The following RIMS2 variants were observed in gnomAD, a reference collection of about 807,000 sequenced individuals.
RIMS2 encodes the protein regulating synaptic membrane exocytosis 2, also known as regulating synaptic membrane exocytosis protein 2.
A neutral mutation model predicts 174.4 loss-of-function variants in RIMS2; 59 were observed. That is an observed-to-expected ratio of 0.34 (90% CI 0.27 to 0.42). RIMS2 has a LOEUF of 0.42. Ranked by LOEUF, RIMS2 falls within the 10% of genes least tolerant of loss-of-function variation. RIMS2 has a pLI of 1.00. For synonymous variants in RIMS2, 606 were observed against 572.5 expected, an observed-to-expected ratio of 1.06 and a Z score of -0.84; for missense variants, 1,620 against 1,666.3, an observed-to-expected ratio of 0.97 and a Z score of 0.48.
At chr8:103,569,021 T>G in intron 1 of RIMS2, 1 of 434,628 alleles carries the variant, frequency 2.3e-6, no homozygotes, top group Non-Finnish European at 4.2e-6. Flanking sequence ...ATGGAGGCCT[T>G]TGCACAAAGT....
chr8:103,789,081 C>T (rs1256204779), intron 3 of RIMS2, among the ~76,000 whole-genome samples: 1 of 152,236 alleles, frequency 6.6e-6, no homozygotes, highest in Admixed American at 6.5e-5. Context: ...AGGGAACTCC[C>T]TGACCCATTG....
intron 14 of RIMS2, among the ~76,000 whole-genome samples, chr8:103,945,066 A>G (rs1369559607): frequency 2.6e-5 from 4 of 152,072 alleles, no homozygotes. Flanking sequence ...CAGTGGATAA[A>G]TATTGCATTT....
At chr8:103,933,329 ACACAC>A (rs2080435479) in intron 12 of RIMS2, among the ~76,000 whole-genome samples, 3 of 121,986 alleles carry the variant, frequency 2.5e-5, no homozygotes, top group Non-Finnish European at 5.1e-5. Flanking sequence ...ACACACACAC[ACACAC>A]AATTAGCCAG....
chr8:103,954,119 C>G (rs1428756119), intron 14 of RIMS2, among the ~76,000 whole-genome samples: 1 of 152,132 alleles, frequency 6.6e-6, no homozygotes, highest in Non-Finnish European at 1.5e-5. Flanking sequence ...TCTTAGAGAC[C>G]TACAAAGAGA....
chr8:104,164,287 C>T (rs2098783032), intron 19 of RIMS2, among the ~76,000 whole-genome samples: 1 of 152,088 alleles, frequency 6.6e-6, no homozygotes, highest in Non-Finnish European at 1.5e-5. Flanking sequence ...AATTATCTTA[C>T]TGGAAGCACT....
At chr8:104,180,679 G>A (rs138358590) in intron 19 of RIMS2, among the ~76,000 whole-genome samples, 1 of 151,568 alleles carries the variant, frequency 6.6e-6, no homozygotes, top group African/African-American at 2.4e-5. Context: ...TTTAATCTAT[G>A]ACTCATTGCT....
intron 14 of RIMS2, among the ~76,000 whole-genome samples, chr8:103,944,818 A>G (rs185458167): frequency 6.6e-6 from 1 of 152,210 alleles, no homozygotes. Context: ...TATTAATGAT[A>G]TGTAAGCCTG....
chr8:103,718,659 C>CTT (rs35949446), intron 2 of RIMS2, among the ~76,000 whole-genome samples: 9 of 148,564 alleles, frequency 6.1e-5, no homozygotes, highest in African/African-American at 1.2e-4. Context: ...GCTCAACAAC[C>CTT]TTTTTTTTTT....
intron 4 of RIMS2, among the ~76,000 whole-genome samples, chr8:103,898,806 G>A (rs1028439177): frequency 6.6e-6 from 1 of 151,346 alleles, no homozygotes; most frequent in Admixed American, 6.6e-5. Flanking sequence ...CATGTGCCAT[G>A]TTGGTGTGCT....
chr8:104,085,148 A>C (rs1297181925), intron 19 of RIMS2, among the ~76,000 whole-genome samples: 1 of 152,208 alleles, frequency 6.6e-6, no homozygotes, highest in Non-Finnish European at 1.5e-5. Context: ...AATTATCTGA[A>C]TAAACAAGGA....
chr8:104,196,866 T>TA (rs565142257), intron 19 of RIMS2, among the ~76,000 whole-genome samples: 108 of 152,296 alleles, frequency 7.1e-4, no homozygotes, highest in Non-Finnish European at 1.3e-3. Flanking sequence ...AGGCATACTT[T>TA]AAAAAACATA....
chr8:104,149,293 T>C (rs1805863271), intron 19 of RIMS2, among the ~76,000 whole-genome samples: 1 of 152,228 alleles, frequency 6.6e-6, no homozygotes, highest in South Asian at 2.1e-4. Context: ...ACAACCCAAC[T>C]TCCTTTTCAG....
At chr8:104,169,976 G>A (rs1319374591) in intron 19 of RIMS2, among the ~76,000 whole-genome samples, 1 of 151,960 alleles carries the variant, frequency 6.6e-6, no homozygotes, top group Non-Finnish European at 1.5e-5. Context: ...ATAGTTTTGA[G>A]TGTTCCTTTT....
intron 1 of RIMS2, among the ~76,000 whole-genome samples, chr8:103,517,861 GGAA>G (rs796922046): frequency 2.1e-4 from 32 of 152,028 alleles, no homozygotes; most frequent in African/African-American, 5.8e-4. Flanking sequence ...AGGCCACACT[GGAA>G]GAAGAAGAAT....
At chr8:103,791,893 C>T (rs929858601) in intron 3 of RIMS2, among the ~76,000 whole-genome samples, 2 of 152,116 alleles carry the variant, frequency 1.3e-5, no homozygotes, top group African/African-American at 4.8e-5. Context: ...TATATATACT[C>T]AATACAGGAT....
chr8:103,991,608 A>G (rs1275729610), intron 17 of RIMS2, among the ~76,000 whole-genome samples: 1 of 152,122 alleles, frequency 6.6e-6, no homozygotes. Flanking sequence ...TTGATTAAAA[A>G]GCCTAAGAGA....
intron 3 of RIMS2, among the ~76,000 whole-genome samples, chr8:103,779,268 T>A (rs1394771271): frequency 1.3e-5 from 2 of 152,174 alleles, no homozygotes; most frequent in East Asian, 3.9e-4. Flanking sequence ...CCCATTTGTC[T>A]GTTTTTGCTT....
chr8:103,916,627 A>G, intron 8 of RIMS2, 90 bp downstream of exon 11: 2 of 1,027,364 alleles, frequency 1.9e-6, no homozygotes, highest in East Asian at 2.5e-5. Context: ...TGATTGCTTT[A>G]TGGAAATGAA....
At chr8:103,749,926 G>C (rs2097864413) in intron 2 of RIMS2, among the ~76,000 whole-genome samples, 1 of 152,062 alleles carries the variant, frequency 6.6e-6, no homozygotes, top group Admixed American at 6.5e-5. Context: ...ATAGGTGATT[G>C]CTGCCTTCAT....
Sources: allele counts gnomAD v4.1 joint callset (sites outside exome capture counted in the v4.1 genomes callset), GRCh38; gene constraint gnomAD v4.1.1; transcripts MANE v1.5; gene names NCBI Gene and HGNC (gene_info 2026-07-23, HGNC 2026-07-21).